The following PCDH11Y variants were observed in gnomAD, a reference collection of about 807,000 sequenced individuals.
PCDH11Y encodes protocadherin 11 Y-linked.
For synonymous variants in PCDH11Y, 9 were observed against 83.6 expected, an observed-to-expected ratio of 0.11 and a Z score of 4.87; for missense variants, 12 against 224.8, an observed-to-expected ratio of 0.05 and a Z score of 6.05.
chrY:5,400,021 C>T lies in PCDH11Y; in HGVS notation c.3130-101036C>T, dbSNP rs200119355. 1.8e-3 allele frequency among the ~76,000 whole-genome samples: 60 copies of T among 33,444 alleles called. No homozygotes were observed. In the East Asian group the frequency reaches 0.042, roughly 24 times the overall value. The allele number at this position is 33,444 out of a possible 37,273, so 89.7% of individuals were successfully genotyped here. On this transcript the variant is annotated intron_variant, in intron 2 of 4. Coordinates refer to the PCDH11Y transcript ENST00000400457. ...CCAGTGGCCCTAGAGGAGTTAAAGA[C>T]GCACACGCAGAAATATAGAGTGTGG... is the stretch of plus-strand genomic sequence containing the variant.
chrY:5,649,966 A>G (rs2053529913), intron 4 of PCDH11Y, among the ~76,000 whole-genome samples: 1 of 32,594 alleles, frequency 3.1e-5, no homozygotes, highest in Non-Finnish European at 7.6e-5. Flanking sequence ...AAACAATTGT[A>G]TTAGTCATGA....
chrY:5,014,346 A>T lies in PCDH11Y; in HGVS notation c.-134+13741A>T, dbSNP rs2124618859. On this transcript the variant is annotated intron_variant, in intron 1 of 5. Coordinates refer to the PCDH11Y transcript ENST00000333703. ...TATATTAAATAACAATTTAGAATATATTATATTTACTTTTTTAGAAGTTTT... is the reference window on the plus strand; with the variant it reads ...TATATTAAATAACAATTTAGAATATTTTATATTTACTTTTTTAGAAGTTTT... Among the ~76,000 whole-genome samples the T allele has an allele frequency of 9.3e-5, 3 of 32,177 alleles. No homozygotes were observed. In the South Asian group the frequency reaches 2.0e-3, roughly 22 times the overall value. The allele number at this position is 32,177 out of a possible 37,273, so 86.3% of individuals were successfully genotyped here.
chrY:5,191,297 A>G (rs2052912244), intron 2 of PCDH11Y, among the ~76,000 whole-genome samples: 3 of 32,857 alleles, frequency 9.1e-5, no homozygotes, highest in Admixed American at 8.3e-4. Flanking sequence ...CAGAACTTAA[A>G]GTAAAATTTA....
At chrY:5,417,893 C>G in intron 2 of PCDH11Y, among the ~76,000 whole-genome samples, 2 of 33,443 alleles carry the variant, frequency 6.0e-5, no homozygotes, top group Admixed American at 2.7e-4. Flanking sequence ...AAAAACTGTG[C>G]ATATATTTGC....
intron 1 of PCDH11Y, chrY:5,002,634 C>G: frequency 1.2e-4 from 4 of 32,669 alleles, no homozygotes; most frequent in Non-Finnish European, 2.2e-4. Flanking sequence ...CAATTGGAAG[C>G]AAGTCGAAGT....
intron 2 of PCDH11Y, among the ~76,000 whole-genome samples, chrY:5,385,776 T>A: frequency 2.1e-4 from 7 of 33,836 alleles, no homozygotes; most frequent in African/African-American, 3.5e-4. Context: ...TTGATCAGTT[T>A]CTTATATGTT....
At chrY:5,671,129 A>G in intron 4 of PCDH11Y, among the ~76,000 whole-genome samples, 1 of 31,707 alleles carries the variant, frequency 3.2e-5, no homozygotes, top group Non-Finnish European at 7.7e-5. Context: ...CCATTGGTCT[A>G]TGTGTCTGTT....
intron 2 of PCDH11Y, among the ~76,000 whole-genome samples, chrY:5,260,667 A>G: frequency 6.1e-5 from 1 of 16,261 alleles, no homozygotes; most frequent in East Asian, 1.7e-3. Flanking sequence ...ATCTGTCTCA[A>G]AGGGCATATA....
chrY:5,231,697 G>T, intron 2 of PCDH11Y, among the ~76,000 whole-genome samples: 1 of 33,024 alleles, frequency 3.0e-5, no homozygotes, highest in Non-Finnish European at 7.5e-5. Flanking sequence ...ATCAGCATGT[G>T]TCAAAGCCAG....
intron 1 of PCDH11Y, among the ~76,000 whole-genome samples, chrY:5,083,144 T>A: frequency 3.0e-5 from 1 of 33,613 alleles, no homozygotes; most frequent in Non-Finnish European, 7.4e-5. Flanking sequence ...AATCTCCTAA[T>A]CCCTGAGTTG....
At chrY:5,324,280 A>G (rs2053116349) in intron 2 of PCDH11Y, among the ~76,000 whole-genome samples, 1 of 32,716 alleles carries the variant, frequency 3.1e-5, no homozygotes, top group Non-Finnish European at 7.4e-5. Flanking sequence ...ATTTAGTTCA[A>G]TTTTTGTATA....
At chrY:5,427,575 G>C in intron 2 of PCDH11Y, among the ~76,000 whole-genome samples, 1 of 33,234 alleles carries the variant, frequency 3.0e-5, no homozygotes, top group Non-Finnish European at 7.5e-5. Context: ...CACACAGTTA[G>C]TCAATGACTG....
At chrY:5,620,196 A>G in intron 4 of PCDH11Y, among the ~76,000 whole-genome samples, 1 of 32,410 alleles carries the variant, frequency 3.1e-5, no homozygotes, top group East Asian at 8.1e-4. Context: ...TCAAATGAAC[A>G]CAATCAGAAA....
At chrY:5,475,529 A>G (rs2053317870) in intron 2 of PCDH11Y, among the ~76,000 whole-genome samples, 1 of 24,725 alleles carries the variant, frequency 4.0e-5, no homozygotes, top group African/African-American at 1.6e-4. Flanking sequence ...AATAATTACT[A>G]CTCAGTCTCG....
chrY:5,223,179 A>G, intron 2 of PCDH11Y, among the ~76,000 whole-genome samples: 1 of 33,179 alleles, frequency 3.0e-5, no homozygotes, highest in Non-Finnish European at 7.4e-5. Context: ...TAATTTTGCT[A>G]TATGTTAACT....
chrY:5,446,343 T>G, intron 2 of PCDH11Y, among the ~76,000 whole-genome samples: 1 of 34,055 alleles, frequency 2.9e-5, no homozygotes, highest in South Asian at 6.4e-4. Context: ...TGGCATGATA[T>G]TCAGTGTAAT....
chrY:5,420,036 A>G, intron 2 of PCDH11Y, among the ~76,000 whole-genome samples: 5 of 33,012 alleles, frequency 1.5e-4, no homozygotes, highest in Non-Finnish European at 3.7e-4. Context: ...TTATGAATAC[A>G]GTAAATCATG....
intron 2 of PCDH11Y, among the ~76,000 whole-genome samples, chrY:5,373,290 G>A (rs2053192995): frequency 9.2e-5 from 2 of 21,770 alleles, no homozygotes; most frequent in Admixed American, 9.6e-4. Flanking sequence ...AGGTTCAAGC[G>A]ATTTTCCTGC....
intron 4 of PCDH11Y, among the ~76,000 whole-genome samples, chrY:5,712,888 TAA>T (rs2053587592): frequency 3.8e-5 from 1 of 26,475 alleles, no homozygotes; most frequent in Admixed American, 3.7e-4. Context: ...GAGAAAATTG[TAA>T]AGAGTTATAA....
Sources: allele counts gnomAD v4.1 joint callset (sites outside exome capture counted in the v4.1 genomes callset), GRCh38; gene constraint gnomAD v4.1.1; transcripts MANE v1.5; gene names NCBI Gene and HGNC (gene_info 2026-07-23, HGNC 2026-07-21).